Variants in EDARADD observed in about 807,000 individuals in gnomAD.
EDARADD encodes ectodysplasin-A receptor-associated adapter protein.
A neutral mutation model predicts 25.6 loss-of-function variants in EDARADD; 20 were observed. That is an observed-to-expected ratio of 0.78 (90% confidence interval 0.55 to 1.14). The LOEUF is 1.14. Ranked by LOEUF, EDARADD falls within the 50% of genes most tolerant of loss-of-function variation. The pLI is 0.00. For synonymous variants in EDARADD, 86 were observed against 94.4 expected, an observed-to-expected ratio of 0.91 and a Z score of 0.52; for missense variants, 225 against 270.1, an observed-to-expected ratio of 0.83 and a Z score of 1.17.
At chr1:236,471,321 G>A (rs1055001601) in intron 5 of EDARADD, among the ~76,000 whole-genome samples, 10 of 152,030 alleles carry the variant, frequency 6.6e-5, no homozygotes, top group South Asian at 4.1e-4. Context: ...ATAATTCTTC[G>A]TCACTTTCTG....
At chr1:236,454,517 T>C (rs1658803454) in intron 4 of EDARADD, among the ~76,000 whole-genome samples, 1 of 152,180 alleles carries the variant, frequency 6.6e-6, no homozygotes, top group Admixed American at 6.5e-5. Flanking sequence ...AGGCTTGGTG[T>C]CATCCAGAAC....
chr1:236,463,229 C>T (rs1659085659), intron 4 of EDARADD, among the ~76,000 whole-genome samples: 1 of 152,186 alleles, frequency 6.6e-6, no homozygotes, highest in African/African-American at 2.4e-5. Flanking sequence ...TGTTGCCTTC[C>T]CTACTGCCCA....
chr1:236,392,369 C>T (rs1667435942), upstream of EDARADD, among the ~76,000 whole-genome samples: 1 of 152,152 alleles, frequency 6.6e-6, no homozygotes, highest in Non-Finnish European at 1.5e-5. Context: ...CTCATTCTGT[C>T]ACCCAGTGGT....
chr1:236,474,382 A>T (rs544791740), intron 5 of EDARADD, among the ~76,000 whole-genome samples: 2 of 152,252 alleles, frequency 1.3e-5, no homozygotes, highest in South Asian at 4.2e-4. Flanking sequence ...TTGGCCTTTA[A>T]AATAGGAAGT....
chr1:236,400,923 C>A (rs989485273), intron 1 of EDARADD, among the ~76,000 whole-genome samples: 8 of 151,828 alleles, frequency 5.3e-5, no homozygotes, highest in Non-Finnish European at 7.4e-5. Flanking sequence ...GGGCTGGGAG[C>A]GGTGGCTCAC....
chr1:236,448,828 T>C (rs1412285603), intron 4 of EDARADD, among the ~76,000 whole-genome samples: 1 of 152,198 alleles, frequency 6.6e-6, no homozygotes, highest in African/African-American at 2.4e-5. Flanking sequence ...ATCATTTAGT[T>C]CAGATTTCTT....
At chr1:236,369,553 A>G (rs1182285417) in intron 3 of EDARADD, among the ~76,000 whole-genome samples, 3 of 152,132 alleles carry the variant, frequency 2.0e-5, no homozygotes, top group Non-Finnish European at 4.4e-5. Context: ...AATTGTTATC[A>G]TACATCGGCC....
At chr1:236,464,782 G>C (rs1659142899) in intron 4 of EDARADD, among the ~76,000 whole-genome samples, 1 of 151,970 alleles carries the variant, frequency 6.6e-6, no homozygotes, top group African/African-American at 2.4e-5. Flanking sequence ...TCCCCTCTCT[G>C]ACCTCCTTTC....
chr1:236,461,532 A>G (rs935807751), intron 4 of EDARADD, among the ~76,000 whole-genome samples: 2 of 152,218 alleles, frequency 1.3e-5, no homozygotes, highest in African/African-American at 4.8e-5. Flanking sequence ...TGCTACTACC[A>G]TGCTGGTTGG....
At chr1:236,426,038 C>G (rs192896285) in intron 3 of EDARADD, among the ~76,000 whole-genome samples, 1 of 151,826 alleles carries the variant, frequency 6.6e-6, no homozygotes, top group Non-Finnish European at 1.5e-5. Context: ...AGTGCAGTGG[C>G]ATGATCGATC....
chr1:236,425,382 G>T (rs376101117), intron 3 of EDARADD, among the ~76,000 whole-genome samples: 1 of 152,188 alleles, frequency 6.6e-6, no homozygotes, highest in Non-Finnish European at 1.5e-5. Flanking sequence ...GAGGGGATGG[G>T]CAGGGTCACT....
At chr1:236,480,133 A>ATATATATATATCTATC (rs1553271650) in intron 5 of EDARADD, among the ~76,000 whole-genome samples, 8 of 142,112 alleles carry the variant, frequency 5.6e-5, no homozygotes, top group African/African-American at 1.9e-4. Flanking sequence ...ATATATATAT[A>ATATATATATATCTATC]TATCACATTT....
chr1:236,356,110 G>T (rs897611730), intron 3 of EDARADD, among the ~76,000 whole-genome samples: 1 of 152,168 alleles, frequency 6.6e-6, no homozygotes, highest in African/African-American at 2.4e-5. Context: ...TTGCTTGACA[G>T]GCCAGCAGAG....
In EDARADD at chr1:236,395,511, G is replaced by A. The variant is rs905094224; in HGVS notation, c.61+1006G>A. The stretch of plus-strand genomic sequence containing the variant: ...GGAGGGCAGGGGCGCGCAGAGCCAC[G>A]GTTTGCTCCAGGCGCGTCGGAACCG... On this transcript the variant is annotated intron_variant, in intron 1 of 5. Transcript: ENST00000334232. The surrounding 1 kb of genome is among the most constrained non-coding windows in gnomAD (Gnocchi z 6.9). 6.5e-5 allele frequency: 99 copies of A among 1,530,426 alleles called. No homozygotes were observed. The highest frequency in any genetic ancestry group is 6.6e-5 in the Non-Finnish European group (76 of 1,143,106). The allele number at this position is 1,530,426 out of a possible 1,614,324, so 94.8% of individuals were successfully genotyped here.
intron 4 of EDARADD, among the ~76,000 whole-genome samples, chr1:236,450,260 C>T (rs1224309203): frequency 6.6e-6 from 1 of 151,958 alleles, no homozygotes; most frequent in African/African-American, 2.4e-5. Flanking sequence ...TGCCACCACA[C>T]TCCCACCTGG....
At chr1:236,404,914 G>A (rs1667679340) in intron 1 of EDARADD, among the ~76,000 whole-genome samples, 1 of 152,018 alleles carries the variant, frequency 6.6e-6, no homozygotes, top group African/African-American at 2.4e-5. Flanking sequence ...TCCAACATGG[G>A]GAAACCCCAT....
At chr1:236,383,663 G>A (rs1327271817) in intron 3 of EDARADD, among the ~76,000 whole-genome samples, 2 of 152,096 alleles carry the variant, frequency 1.3e-5, no homozygotes, top group Non-Finnish European at 2.9e-5. Context: ...ATACAGACTG[G>A]ATTTTTTTTC....
intron 3 of EDARADD, among the ~76,000 whole-genome samples, chr1:236,359,685 T>C (rs1667023591): frequency 6.6e-6 from 1 of 152,186 alleles, no homozygotes; most frequent in African/African-American, 2.4e-5. Flanking sequence ...AGTAGACAAA[T>C]AGAGAGAGCT....
At chr1:236,455,638 C>T (rs1286019089) in intron 4 of EDARADD, among the ~76,000 whole-genome samples, 2 of 152,212 alleles carry the variant, frequency 1.3e-5, no homozygotes, top group African/African-American at 4.8e-5. Context: ...GAGAGGGACT[C>T]ACTTAATTCA....
Sources: allele counts gnomAD v4.1 joint callset (sites outside exome capture counted in the v4.1 genomes callset), GRCh38; gene constraint gnomAD v4.1.1; non-coding constraint Gnocchi (gnomAD v3.1); transcripts MANE v1.5; gene names NCBI Gene and HGNC (gene_info 2026-07-23, HGNC 2026-07-21).